The following KATNAL1 variants were observed in gnomAD, a reference collection of about 807,000 sequenced individuals.
KATNAL1 encodes katanin p60 ATPase-containing subunit A-like 1.
A neutral mutation model predicts 55.2 loss-of-function variants in KATNAL1; 32 were observed. The observed-to-expected ratio is 0.58, with a 90% CI of 0.44 to 0.78. KATNAL1 has a LOEUF of 0.78. Ranked by LOEUF, KATNAL1 falls within the 30% of genes least tolerant of loss-of-function variation. KATNAL1 has a pLI of 0.00. For missense variants in KATNAL1, 466 were observed against 600.9 expected, an observed-to-expected ratio of 0.78 and a Z score of 2.35; for synonymous variants, 193 against 193.6, an observed-to-expected ratio of 1.00 and a Z score of 0.02.
intron 6 of KATNAL1, among the ~76,000 whole-genome samples, chr13:30,238,835 G>A (rs918611691): frequency 1.3e-5 from 2 of 152,298 alleles, no homozygotes; most frequent in Middle Eastern, 3.4e-3. Flanking sequence ...AGTGCTTGAC[G>A]GATAAAGGAA....
At chr13:30,292,657 T>G (rs1882210788) in intron 1 of KATNAL1, among the ~76,000 whole-genome samples, 1 of 152,224 alleles carries the variant, frequency 6.6e-6, no homozygotes, top group Non-Finnish European at 1.5e-5. Context: ...GGAGCCCTTC[T>G]GCCTCCTCTA....
At chr13:30,236,236 G>C (rs377091133) in intron 6 of KATNAL1, among the ~76,000 whole-genome samples, 1 of 152,196 alleles carries the variant, frequency 6.6e-6, no homozygotes, top group African/African-American at 2.4e-5. Flanking sequence ...TAAGAGGGTA[G>C]TGGGAACTCC....
At chr13:30,294,119 AG>A (rs1229847213) in intron 1 of KATNAL1, among the ~76,000 whole-genome samples, 1 of 152,230 alleles carries the variant, frequency 6.6e-6, no homozygotes, top group African/African-American at 2.4e-5. Flanking sequence ...AGGCCAATGA[AG>A]AACCCTACAA....
intron 3 of KATNAL1, among the ~76,000 whole-genome samples, chr13:30,273,757 T>A (rs1333224715): frequency 6.6e-6 from 1 of 152,240 alleles, no homozygotes. Flanking sequence ...ATATAAAGAA[T>A]GAACTTAAAA....
chr13:30,283,501 G>T, intron 2 of KATNAL1, 115 bp downstream of exon 2: 1 of 789,684 alleles, frequency 1.3e-6, no homozygotes, highest in Non-Finnish European at 1.9e-6. Context: ...TCAGTATTGA[G>T]ATAAATAGGC....
intron 1 of KATNAL1, among the ~76,000 whole-genome samples, chr13:30,291,057 A>G (rs1882100146): frequency 6.6e-6 from 1 of 152,156 alleles, no homozygotes; most frequent in South Asian, 2.1e-4. Context: ...ATTTGCTCTC[A>G]CCCCTTCTAT....
chr13:30,228,590 A>G (rs549417883), intron 8 of KATNAL1, among the ~76,000 whole-genome samples: 1 of 152,378 alleles, frequency 6.6e-6, no homozygotes, highest in South Asian at 2.1e-4. Context: ...CTTCAAAAAT[A>G]AAACATACTC....
At chr13:30,213,905 T>C (rs997295414) in intron 9 of KATNAL1, among the ~76,000 whole-genome samples, 1 of 152,032 alleles carries the variant, frequency 6.6e-6, no homozygotes, top group Non-Finnish European at 1.5e-5. Context: ...TTCAACATAG[T>C]GTTGGAAGTT....
intron 5 of KATNAL1, 86 bp downstream of exon 5, chr13:30,240,873 G>A (rs9550538): frequency 0.096 from 115,917 of 1,212,292 alleles, 7,626 homozygotes; most frequent in East Asian, 0.36. Context: ...TCAGATTAAT[G>A]AATAACAAGA....
At position 30,205,924 on chromosome 13, in the gene KATNAL1, TAGTGTGTGTGTGTG is replaced by T. The variant is rs1873097743; in HGVS notation, c.*2602_*2615del. 2.1e-5 allele frequency: 2 copies of T among 96,268 alleles called. No homozygotes were observed. The highest frequency in any genetic ancestry group is 7.7e-5 in the African/African-American group (2 of 25,870). 6.0% of individuals were successfully genotyped at this position (96,268 alleles called of 1,614,324 possible). On this transcript the variant is annotated 3_prime_UTR_variant, in exon 11 of 11. Transcript: ENST00000380615. ...TAAGGCAACACACTGTCTTCTGAAA[TAGTGTGTGTGTGTG>T]TGTGTGTGTGTGTGTGTGTGTGTGT... is the stretch of plus-strand genomic sequence containing the variant.
chr13:30,303,385 T>G (rs61616049), intron 1 of KATNAL1, among the ~76,000 whole-genome samples: 1 of 152,188 alleles, frequency 6.6e-6, no homozygotes, highest in African/African-American at 2.4e-5. Flanking sequence ...TAAGTATAGT[T>G]ATCACTGAAG....
chr13:30,221,718 C>G (rs79397463), intron 9 of KATNAL1, among the ~76,000 whole-genome samples: 3 of 152,100 alleles, frequency 2.0e-5, no homozygotes, highest in African/African-American at 7.2e-5. Context: ...TAATTTTATA[C>G]GTCAACTTGG....
chr13:30,271,477 A>G (rs1184518561), intron 3 of KATNAL1, among the ~76,000 whole-genome samples: 1 of 152,182 alleles, frequency 6.6e-6, no homozygotes, highest in Non-Finnish European at 1.5e-5. Flanking sequence ...AAGAAGACAC[A>G]TCACATGGCC....
chr13:30,265,494 T>G (rs1879688806), intron 3 of KATNAL1, among the ~76,000 whole-genome samples: 1 of 152,094 alleles, frequency 6.6e-6, no homozygotes, highest in South Asian at 2.1e-4. Flanking sequence ...GACAACGTTA[T>G]GATACAAGTT....
intron 1 of KATNAL1, among the ~76,000 whole-genome samples, chr13:30,304,181 T>C (rs1338429120): frequency 2.6e-5 from 4 of 152,210 alleles, no homozygotes; most frequent in Non-Finnish European, 5.9e-5. Flanking sequence ...CCCTCCTTTG[T>C]TATGCTCTCT....
At chr13:30,267,619 G>T (rs1202206582) in intron 3 of KATNAL1, among the ~76,000 whole-genome samples, 5 of 152,116 alleles carry the variant, frequency 3.3e-5, no homozygotes, top group Admixed American at 1.3e-4. Context: ...ACTGATAATA[G>T]AACTACAAAA....
intron 1 of KATNAL1, among the ~76,000 whole-genome samples, chr13:30,293,781 C>T (rs1050242182): frequency 6.6e-6 from 1 of 152,170 alleles, no homozygotes; most frequent in African/African-American, 2.4e-5. Context: ...TCGCAGACAC[C>T]ATTTTTTACA....
At chr13:30,264,327 AT>A (rs1419291425) in intron 3 of KATNAL1, among the ~76,000 whole-genome samples, 1 of 138,240 alleles carries the variant, frequency 7.2e-6, no homozygotes, top group South Asian at 2.5e-4. Flanking sequence ...CAAGGACTTC[AT>A]GTCTAAAACA....
chr13:30,240,758 G>C (rs1219196624), intron 5 of KATNAL1, among the ~76,000 whole-genome samples, 193 bp from the exon 6 acceptor site: 1 of 152,172 alleles, frequency 6.6e-6, no homozygotes, highest in Non-Finnish European at 1.5e-5. Context: ...TTAACAACTT[G>C]TCAGTTACAC....
Sources: allele counts gnomAD v4.1 joint callset (sites outside exome capture counted in the v4.1 genomes callset), GRCh38; gene constraint gnomAD v4.1.1; transcripts MANE v1.5; gene names NCBI Gene and HGNC (gene_info 2026-07-23, HGNC 2026-07-21).